The following ZNF385D variants were observed in gnomAD, a reference collection of about 807,000 sequenced individuals.
The protein encoded by ZNF385D is zinc finger protein 659.
In ZNF385D, 15 loss-of-function variants were observed where a neutral mutation model predicts 35.8. The observed-to-expected ratio is 0.42, with a 90% confidence interval of 0.28 to 0.64. The LOEUF is 0.64. Ranked by LOEUF, ZNF385D falls within the 30% of genes least tolerant of loss-of-function variation. ZNF385D has a pLI of 0.23. For synonymous variants in ZNF385D, 212 were observed against 186.8 expected (o/e 1.13, Z -1.10); for missense variants, 474 against 494.6 (o/e 0.96, Z 0.39).
At chr3:22,244,985 T>C (rs2125319848) in intron 2 of ZNF385D, among the ~76,000 whole-genome samples, 1 of 152,244 alleles carries the variant, frequency 6.6e-6, no homozygotes, top group Non-Finnish European at 1.5e-5. Context: ...TGGCCTACCT[T>C]ATTCCTTTTG....
At chr3:22,263,784 T>G (rs933668049) in intron 2 of ZNF385D, among the ~76,000 whole-genome samples, 1 of 152,000 alleles carries the variant, frequency 6.6e-6, no homozygotes, top group South Asian at 2.1e-4. Flanking sequence ...CATTTTTTAT[T>G]GTGACAACTG....
chr3:22,038,963 G>A (rs1172980695), intron 3 of ZNF385D, among the ~76,000 whole-genome samples: 1 of 150,520 alleles, frequency 6.6e-6, no homozygotes, highest in Admixed American at 6.6e-5. Flanking sequence ...ACTCAATGAA[G>A]AGTATCTAAA....
chr3:21,466,178 A>C (rs1036916558), intron 4 of ZNF385D, among the ~76,000 whole-genome samples: 2 of 152,040 alleles, frequency 1.3e-5, no homozygotes, highest in African/African-American at 2.4e-5. Context: ...ATCAATCTTT[A>C]CCTTATAATA....
chr3:21,965,500 G>GTAACTC (rs1282123446), intron 3 of ZNF385D, among the ~76,000 whole-genome samples: 2 of 116,964 alleles, frequency 1.7e-5, no homozygotes, highest in African/African-American at 1.4e-4. Context: ...ATCCCTCAGA[G>GTAACTC]TAACTGGCTT....
At chr3:22,358,225 A>G (rs1325386186) in intron 2 of ZNF385D, among the ~76,000 whole-genome samples, 1 of 151,898 alleles carries the variant, frequency 6.6e-6, no homozygotes, top group African/African-American at 2.4e-5. Context: ...TGACAAATTG[A>G]GGTGAGGAAA....
At chr3:21,538,701 T>C (rs569252453) in intron 3 of ZNF385D, among the ~76,000 whole-genome samples, 13 of 152,218 alleles carry the variant, frequency 8.5e-5, no homozygotes, top group Non-Finnish European at 1.5e-4. Context: ...AATAGAATTA[T>C]ACGGTGTGAA....
At chr3:21,996,415 C>T (rs142563883) in intron 3 of ZNF385D, among the ~76,000 whole-genome samples, 3 of 152,274 alleles carry the variant, frequency 2.0e-5, no homozygotes, top group East Asian at 3.9e-4. Flanking sequence ...TGTCACTCCT[C>T]GGCTAAATTT....
chr3:21,945,223 GAGAC>G (rs765886243), intron 3 of ZNF385D, among the ~76,000 whole-genome samples: 1 of 151,936 alleles, frequency 6.6e-6, no homozygotes, highest in East Asian at 1.9e-4. Flanking sequence ...AAGAGAGAAA[GAGAC>G]AGAGAGAGGA....
intron 3 of ZNF385D, among the ~76,000 whole-genome samples, chr3:21,840,644 G>A (rs935085176): frequency 2.0e-5 from 3 of 151,838 alleles, no homozygotes; most frequent in Non-Finnish European, 4.4e-5. Flanking sequence ...CCGTTGCTTC[G>A]GTATTAAAAC....
intron 3 of ZNF385D, among the ~76,000 whole-genome samples, chr3:21,558,340 T>TTCTGTC (rs147596794): frequency 0.2 from 30,459 of 151,894 alleles, 3,799 homozygotes; most frequent in Non-Finnish European, 0.28. Context: ...GTCCCAGAGA[T>TTCTGTC]TCTGGTACAT....
rs537383726 is a variant in ZNF385D at position 21,762,631 on chromosome 3, G to C, written c.326-97603C>G. Among the ~76,000 whole-genome samples, 9 of 152,098 alleles carry C rather than the reference G, an allele frequency of 5.9e-5. 1 individual carries two copies. In the South Asian group the frequency reaches 1.2e-3, roughly 21 times the overall value. On this transcript the variant is annotated intron_variant, in intron 3 of 5. Coordinates refer to the ZNF385D transcript ENST00000494108. ...CTTATCATCTCATCTCATAATGTCG[G>C]CCTATAATACACTGTCCAGATCTCT...
intron 2 of ZNF385D, among the ~76,000 whole-genome samples, chr3:21,585,017 A>C (rs1446451764): frequency 2.0e-5 from 3 of 151,948 alleles, no homozygotes; most frequent in Non-Finnish European, 4.4e-5. Context: ...GTATGTGTAG[A>C]ATCTTTGTGC....
chr3:21,633,097 TATC>T (rs2065327930), intron 2 of ZNF385D, among the ~76,000 whole-genome samples: 1 of 152,074 alleles, frequency 6.6e-6, no homozygotes, highest in South Asian at 2.1e-4. Context: ...CAGAAAAAAT[TATC>T]ATTTTTTTAG....
chr3:22,167,986 G>T (rs949836718), intron 3 of ZNF385D, among the ~76,000 whole-genome samples: 1 of 151,818 alleles, frequency 6.6e-6, no homozygotes, highest in Non-Finnish European at 1.5e-5. Context: ...TCATCATTTG[G>T]CCACCTTGAA....
chr3:22,368,913 T>C (rs1696780235), intron 2 of ZNF385D, among the ~76,000 whole-genome samples: 1 of 152,198 alleles, frequency 6.6e-6, no homozygotes, highest in Admixed American at 6.5e-5. Context: ...TAGAATGTTT[T>C]AAATGATCTC....
intron 3 of ZNF385D, among the ~76,000 whole-genome samples, chr3:21,841,452 C>G (rs1695668876): frequency 6.6e-6 from 1 of 151,884 alleles, no homozygotes; most frequent in Admixed American, 6.6e-5. Flanking sequence ...AAAAGTCAGA[C>G]TACTGTATTA....
At chr3:22,220,806 A>T (rs1698208687) in intron 2 of ZNF385D, among the ~76,000 whole-genome samples, 1 of 152,100 alleles carries the variant, frequency 6.6e-6, no homozygotes, top group South Asian at 2.1e-4. Flanking sequence ...ATTATTTTCT[A>T]CTGTGCTACT....
chr3:21,461,327 G>C (rs940666120), intron 4 of ZNF385D, among the ~76,000 whole-genome samples: 2 of 152,046 alleles, frequency 1.3e-5, no homozygotes, highest in Non-Finnish European at 2.9e-5. Flanking sequence ...GAGGTGGGAG[G>C]ATCATGAGGT....
chr3:21,594,591 C>T (rs2064077822), intron 2 of ZNF385D, among the ~76,000 whole-genome samples: 1 of 152,112 alleles, frequency 6.6e-6, no homozygotes, highest in Non-Finnish European at 1.5e-5. Context: ...GAGTAGATAA[C>T]TGATGGTGTC....
Sources: allele counts gnomAD v4.1 joint callset (sites outside exome capture counted in the v4.1 genomes callset), GRCh38; gene constraint gnomAD v4.1.1; transcripts MANE v1.5; gene names NCBI Gene and HGNC (gene_info 2026-07-23, HGNC 2026-07-21).